Variants in NCKAP5L observed in about 807,000 individuals in gnomAD.
NCKAP5L encodes the protein NCK associated protein 5 like.
In NCKAP5L, 54 loss-of-function variants were observed where a neutral mutation model predicts 103.2. The observed-to-expected ratio is 0.52, with a 90% CI of 0.42 to 0.66. NCKAP5L has a LOEUF of 0.66. NCKAP5L is among the 30% of genes least tolerant of loss of function. The pLI is 0.00. For missense variants in NCKAP5L, 1,733 were observed against 1,750.6 expected (o/e 0.99, Z 0.18); for synonymous variants, 762 against 748.6 (o/e 1.02, Z -0.29).
intron 1 of NCKAP5L, among the ~76,000 whole-genome samples, chr12:49,808,471 C>G (rs1024499025): frequency 6.6e-6 from 1 of 152,288 alleles, no homozygotes; most frequent in African/African-American, 2.4e-5. Context: ...GGGAGGAGCA[C>G]GGGCCATGAG....
rs750979753 is a variant in NCKAP5L at position 49,791,904 on chromosome 12, C to G, written c.3940G>C (p.Glu1314Gln). 6.2e-6 allele frequency: 10 copies of G among 1,612,442 alleles called. No homozygotes were observed. Among genetic ancestry groups the G allele is most frequent in the Non-Finnish European group, 1.7e-6 (2 of 1,179,538 alleles). Residue 1314 changes from glutamate to glutamine, a missense_variant, in exon 13 of 13, where the codon GAG (glutamate) becomes CAG (glutamine). By Grantham distance (29) the Glu-to-Gln change is conservative (BLOSUM62 2). Coordinates refer to ENST00000335999, the MANE Select transcript of NCKAP5L (RefSeq NM_001037806.4). ...GAGTCACTGAGAGACTCCGAGGTCT[C>G]CAGCCCTGGGGGGCCCCCGCTGGCC... ...RVASGGPPGLETSESLSDSLY... is the reference protein window; with the variant it reads ...RVASGGPPGLQTSESLSDSLY...
At chr12:49,817,873 C>A (rs985710749) in intron 1 of NCKAP5L, among the ~76,000 whole-genome samples, 6 of 152,130 alleles carry the variant, frequency 3.9e-5, no homozygotes, top group Non-Finnish European at 8.8e-5. Context: ...TCATGCCTAT[C>A]ATCCCAGCAC....
intron 2 of NCKAP5L, 145 bp from the exon 3 acceptor site, chr12:49,804,225 C>T (rs900945682): frequency 5.4e-5 from 35 of 643,020 alleles, no homozygotes; most frequent in Middle Eastern, 8.8e-4. Flanking sequence ...GTCACGGTCA[C>T]GGGGCAGACA....
chr12:49,792,854 A>G lies in NCKAP5L; in HGVS notation c.3473T>C (p.Val1158Ala). The G allele has an allele frequency of 6.5e-7, 1 of 1,545,402 alleles. No homozygotes were observed. Among genetic ancestry groups the G allele is most frequent in the Non-Finnish European group, 8.7e-7 (1 of 1,150,092 alleles). The stretch of plus-strand genomic sequence containing the variant: ...AAGGGGTGGGGGCCGAGCTGGGGGT[A>G]CCCCAGGTGGGGGATCCAGCCGCGG... ...KPPRLDPPPG[V>A]PPARPPPLTK... The change falls in exon 11 of 13, where the codon GTA (valine) becomes GCA (alanine). Residue 1158 changes from valine (V) to alanine (A), a missense_variant. Coordinates refer to ENST00000335999, the MANE Select transcript of NCKAP5L (RefSeq NM_001037806.4). This position sits in a 1 kb window ranked among gnomAD's most constrained non-coding sequence, Gnocchi z 4.5.
intron 1 of NCKAP5L, among the ~76,000 whole-genome samples, chr12:49,816,371 C>T (rs1384757215): frequency 6.6e-6 from 1 of 151,732 alleles, no homozygotes; most frequent in African/African-American, 2.4e-5. Flanking sequence ...CATCAGGTTC[C>T]CCAAAAGACC....
chr12:49,796,518 G>A lies in NCKAP5L; in HGVS notation c.1342C>T (p.Leu448Phe), dbSNP rs1170391381. The change falls in exon 8 of 13, where the codon CTT becomes TTT. Residue 448 changes from leucine to phenylalanine, a missense_variant. Physicochemically the swap from Leu to Phe is conservative, Grantham distance 22. Transcript: ENST00000335999. ...AGACCCCTAGCTGGAGAGGGCAGAAGGGGTCCCTGAGCTTCCCCAGGAGAA... is the reference window on the plus strand; with the variant it reads ...AGACCCCTAGCTGGAGAGGGCAGAAAGGGTCCCTGAGCTTCCCCAGGAGAA... ...PPSPGEAQGP[L>F]LPSPARGLKF... 2 of 1,564,392 alleles carry A rather than the reference G, an allele frequency of 1.3e-6. No homozygotes were observed. The highest frequency in any genetic ancestry group is 1.2e-5 in the South Asian group (1 of 82,686).
At chr12:49,810,758 A>G (rs926564280) in intron 1 of NCKAP5L, among the ~76,000 whole-genome samples, 3 of 152,252 alleles carry the variant, frequency 2.0e-5, no homozygotes, top group African/African-American at 7.2e-5. Context: ...TTTTTGGAAC[A>G]TATACAATTA....
At chr12:49,807,644 G>T (rs559025565) in intron 1 of NCKAP5L, among the ~76,000 whole-genome samples, 1 of 152,292 alleles carries the variant, frequency 6.6e-6, no homozygotes, top group South Asian at 2.1e-4. Context: ...GAAAAAAAAT[G>T]AAAAATATTT....
Position 49,796,549 on chromosome 12 carries a change from G to C in NCKAP5L, c.1311C>G (p.Gly437=). 3 of 1,590,384 alleles carry C rather than the reference G, an allele frequency of 1.9e-6. No individual in the cohort carries two copies. ...CCTGAGCTTCCCCAGGAGAAGGGGG[G>C]CCAATTTGGAGCTTGCTTTTCACCT... ...SSQVKSKLQI[G]PPSPGEAQGP... is the part of the protein sequence containing the mutation. Residue 437 remains glycine (G), a synonymous_variant, in exon 8 of 13, where the codon GGC becomes GGG. Transcript: ENST00000335999.
intron 1 of NCKAP5L, among the ~76,000 whole-genome samples, chr12:49,816,798 T>TAAA: frequency 7.2e-6 from 1 of 138,214 alleles, no homozygotes; most frequent in African/African-American, 2.7e-5. Context: ...GTCTGTCTCA[T>TAAA]AAAAAAAAAA....
In NCKAP5L at chr12:49,797,336, G is replaced by C. The variant is rs770431468; in HGVS notation, c.524C>G (p.Pro175Arg). 6.2e-7 allele frequency: 1 copy of C among 1,612,492 alleles called. No individual in the cohort carries two copies. The highest frequency in any genetic ancestry group is 1.7e-5 in the Admixed American group (1 of 59,958). Residue 175 changes from proline to arginine, a missense_variant, in exon 8 of 13, where the codon CCA (proline) becomes CGA (arginine). Pro to Arg is a moderately radical substitution (Grantham distance 103). Transcript: ENST00000335999. This position sits in a 1 kb window ranked among gnomAD's most constrained non-coding sequence, Gnocchi z 4.5. ...GAACGGGGATAGGGCATCCAGCGCT[G>C]GGGGTGGGGCGGCTGGGGGGCCTGG... is the stretch of plus-strand genomic sequence containing the variant. ...GGPGPPAAPPPALDALSPFLR... is the reference protein window; with the variant it reads ...GGPGPPAAPPRALDALSPFLR...
At position 49,795,093 on chromosome 12, in the gene NCKAP5L, G is replaced by A. The variant is rs1254629165; in HGVS notation, c.2767C>T (p.Leu923Phe). 1 of 1,613,012 alleles carries A rather than the reference G, an allele frequency of 6.2e-7. No homozygotes were observed. Among genetic ancestry groups the A allele is most frequent in the Admixed American group, 1.7e-5 (1 of 59,930 alleles). ...AGCGCTGGCAGCTTGCTCTTCTTAAGGCCGAACCAGCTGGCGATGCTGCTG... is the reference window on the plus strand; with the variant it reads ...AGCGCTGGCAGCTTGCTCTTCTTAAAGCCGAACCAGCTGGCGATGCTGCTG... ...NTSSIASWFG[L>F]KKSKLPALNR... is the part of the protein sequence containing the mutation. Residue 923 changes from leucine (L) to phenylalanine (F), a missense_variant, in exon 8 of 13, where the codon CTT becomes TTT. Leu to Phe is a conservative substitution (Grantham distance 22). Transcript: ENST00000335999.
In NCKAP5L at chr12:49,792,321, C is replaced by T; in HGVS notation, c.3792+125G>A. On this transcript the variant is annotated intron_variant, in intron 12 of 12. Transcript: ENST00000335999. The surrounding 1 kb of genome is among the most constrained non-coding windows in gnomAD (Gnocchi z 4.5). Reference sequence around the variant, plus strand: ...CTCACAGGGCATCCCAGGGGTCCTCCTCCCAGAGGGTGCAGCACTGAGACT... The same window carrying T: ...CTCACAGGGCATCCCAGGGGTCCTCTTCCCAGAGGGTGCAGCACTGAGACT... The T allele has an allele frequency of 6.5e-7, 1 of 1,537,854 alleles. No homozygotes were observed. Among genetic ancestry groups the T allele is most frequent in the Admixed American group, 2.0e-5 (1 of 51,072 alleles).
chr12:49,812,348 G>A (rs889726653), intron 1 of NCKAP5L, among the ~76,000 whole-genome samples: 1 of 150,532 alleles, frequency 6.6e-6, no homozygotes, highest in Non-Finnish European at 1.5e-5. Flanking sequence ...CCATGTTGTT[G>A]CACGTATCAG....
intron 1 of NCKAP5L, among the ~76,000 whole-genome samples, chr12:49,810,526 C>G (rs528335120): frequency 6.6e-6 from 1 of 152,304 alleles, no homozygotes; most frequent in South Asian, 2.1e-4. Context: ...CTCCAGGGGT[C>G]TGTAAGGTCA....
chr12:49,813,623 G>A (rs187106440), intron 1 of NCKAP5L, among the ~76,000 whole-genome samples: 2 of 152,242 alleles, frequency 1.3e-5, no homozygotes, highest in East Asian at 3.9e-4. Context: ...CACCTCCTGG[G>A]TTCAAGCAGT....
intron 6 of NCKAP5L, 141 bp from the exon 7 acceptor site, chr12:49,798,604 C>CATT: frequency 2.8e-6 from 2 of 714,452 alleles, no homozygotes; most frequent in Non-Finnish European, 2.4e-6. Context: ...GCTCTTGCTG[C>CATT]TGCCCCACCC....
chr12:49,826,961 T>C (rs1420718437), intron 1 of NCKAP5L, among the ~76,000 whole-genome samples: 2 of 152,136 alleles, frequency 1.3e-5, no homozygotes, highest in Non-Finnish European at 2.9e-5. Context: ...AACATGGGAA[T>C]ATCTCCCCGG....
chr12:49,811,898 C>G (rs544400630), intron 1 of NCKAP5L, among the ~76,000 whole-genome samples: 2 of 152,294 alleles, frequency 1.3e-5, no homozygotes, highest in South Asian at 4.1e-4. Flanking sequence ...AATCCCAAAA[C>G]CATCTTCTCA....
Sources: allele counts gnomAD v4.1 joint callset (sites outside exome capture counted in the v4.1 genomes callset), GRCh38; gene constraint gnomAD v4.1.1; non-coding constraint Gnocchi (gnomAD v3.1); transcripts MANE v1.5; gene names NCBI Gene and HGNC (gene_info 2026-07-23, HGNC 2026-07-21).